SH3BGR: variants seen among roughly 807,000 people sequenced by gnomAD.
The protein encoded by SH3BGR is SH3 domain binding glutamate rich protein.
SH3BGR carries 29 observed loss-of-function variants against 24.5 expected under a neutral mutation model. The ratio of observed to expected loss-of-function variants is 1.18; its 90% CI spans 0.88 to 1.61. The LOEUF (loss-of-function observed/expected upper bound fraction) is 1.61. Among genes scored for constraint, SH3BGR ranks in the 40% most tolerant of loss-of-function variants. The probability of loss-of-function intolerance (pLI) is 0.00; values close to 1 mark genes in which losing one functional copy is unlikely to be tolerated. For missense variants in SH3BGR, 162 were observed against 205.8 expected (o/e 0.79, Z 1.30); for synonymous variants, 55 against 65.7 (o/e 0.84, Z 0.79).
At chr21:39,459,204 C>T (rs972390243) in intron 1 of SH3BGR, among the ~76,000 whole-genome samples, 2 of 150,974 alleles carry the variant, frequency 1.3e-5, no homozygotes, top group African/African-American at 2.4e-5. Context: ...ACCTACCTTC[C>T]TTCCTTCTTC....
At chr21:39,472,835 C>CT (rs2123373633) in intron 2 of SH3BGR, among the ~76,000 whole-genome samples, 1 of 152,208 alleles carries the variant, frequency 6.6e-6, no homozygotes, top group South Asian at 2.1e-4. Flanking sequence ...AGGCTCCGGG[C>CT]TTTATCTACA....
chr21:39,482,640 G>A (rs1411701792), intron 3 of SH3BGR, among the ~76,000 whole-genome samples: 1 of 151,968 alleles, frequency 6.6e-6, no homozygotes. Flanking sequence ...GCTTTTCTTT[G>A]TCTTTAAAAT....
upstream of SH3BGR, among the ~76,000 whole-genome samples, chr21:39,448,719 G>A (rs1233928319): frequency 6.6e-6 from 1 of 152,112 alleles, no homozygotes; most frequent in Non-Finnish European, 1.5e-5. Context: ...GAATGTCACA[G>A]CCAGAAGGAT....
chr21:39,513,419 T>C (rs2078731231), intron 6 of SH3BGR, among the ~76,000 whole-genome samples: 1 of 152,186 alleles, frequency 6.6e-6, no homozygotes, highest in African/African-American at 2.4e-5. Flanking sequence ...TGTCCCTTCT[T>C]AATAGACTTA....
In SH3BGR at chr21:39,475,176, T is replaced by G. The variant is rs2078007299; in HGVS notation, c.273T>G (p.Ile91Met). The change falls in exon 3 of 7, where the codon ATT becomes ATG. Residue 91 changes from isoleucine (I) to methionine (M), a missense_variant. By Grantham distance (10) the Ile-to-Met change is conservative. Coordinates refer to ENST00000333634, the MANE Select transcript of SH3BGR (RefSeq NM_007341.3). ...SFFSAKEENI[I>M]YSFLGLAPPP... ...TCTCTGCAAAAGAAGAGAATATTAT[T>G]TATTCCTTCCTTGGTTTGGCTCCTC... is the stretch of plus-strand genomic sequence containing the variant. 1 of 1,612,606 alleles carries G rather than the reference T, an allele frequency of 6.2e-7. No homozygotes were observed.
chr21:39,448,474 C>T (rs2077536346), upstream of SH3BGR, among the ~76,000 whole-genome samples: 1 of 152,082 alleles, frequency 6.6e-6, no homozygotes, highest in South Asian at 2.1e-4. Context: ...CAAAATTAAT[C>T]AAATCAAAAA....
chr21:39,479,243 GGTGGTGGTGGTGGTGATGGTA>G (rs1569160869), intron 3 of SH3BGR, among the ~76,000 whole-genome samples: 3 of 148,314 alleles, frequency 2.0e-5, no homozygotes, highest in Non-Finnish European at 4.6e-5. Flanking sequence ...TGGTGGTGGT[GGTGGTGGTGGTGGTGATGGTA>G]GTGCTGGTGG....
chr21:39,453,964 TAATG>T (rs1454642797), intron 1 of SH3BGR, among the ~76,000 whole-genome samples: 1 of 152,180 alleles, frequency 6.6e-6, no homozygotes, highest in Non-Finnish European at 1.5e-5. Flanking sequence ...ATTAGTTAGT[TAATG>T]AATATTAATT....
At chr21:39,513,705 C>G (rs1362883155) in intron 6 of SH3BGR, among the ~76,000 whole-genome samples, 1 of 151,934 alleles carries the variant, frequency 6.6e-6, no homozygotes, top group African/African-American at 2.4e-5. Flanking sequence ...AAAAAGGAAA[C>G]TGGCAAGCTT....
upstream of SH3BGR, among the ~76,000 whole-genome samples, chr21:39,448,499 C>T (rs1274496609): frequency 1.3e-5 from 2 of 152,096 alleles, no homozygotes; most frequent in Non-Finnish European, 2.9e-5. Context: ...TGTTATTTGA[C>T]TTGTTAAAAT....
At chr21:39,500,501 G>A (rs548917969) in intron 4 of SH3BGR, among the ~76,000 whole-genome samples, 14 of 152,232 alleles carry the variant, frequency 9.2e-5, no homozygotes, top group African/African-American at 2.9e-4. Context: ...GGGGGACACT[G>A]TGGTTCTGTG....
chr21:39,454,169 A>G (rs1285459025), intron 1 of SH3BGR, among the ~76,000 whole-genome samples: 1 of 152,194 alleles, frequency 6.6e-6, no homozygotes, highest in Non-Finnish European at 1.5e-5. Context: ...ATGGGTAGAG[A>G]AATTTCACTC....
chr21:39,514,358 A>AT (rs976060391), intron 6 of SH3BGR, among the ~76,000 whole-genome samples: 3 of 151,808 alleles, frequency 2.0e-5, no homozygotes, highest in African/African-American at 4.8e-5. Flanking sequence ...TATTATTATT[A>AT]TTATTTATTT....
intron 2 of SH3BGR, among the ~76,000 whole-genome samples, chr21:39,474,122 C>T (rs556802221): frequency 2.6e-4 from 40 of 152,082 alleles, no homozygotes; most frequent in African/African-American, 7.9e-4. Flanking sequence ...TGTGTGCCAC[C>T]GTGCCCGGCT....
At chr21:39,499,764 G>GTTTT in intron 3 of SH3BGR, 59 bp from the exon 4 acceptor site, 7 of 1,041,748 alleles carry the variant, frequency 6.7e-6, no homozygotes, top group Admixed American at 2.4e-5. Context: ...TATGTGGCCT[G>GTTTT]TTTTTTTTTT....
At chr21:39,499,241 A>G (rs1335473642) in intron 3 of SH3BGR, among the ~76,000 whole-genome samples, 2 of 146,310 alleles carry the variant, frequency 1.4e-5, no homozygotes, top group Non-Finnish European at 3.0e-5. Context: ...TCATCCATCC[A>G]TCCACCTATC....
In SH3BGR at chr21:39,462,374, G is replaced by C. The variant is rs1362377940; in HGVS notation, c.46-1G>C. On this transcript the variant is annotated splice_acceptor_variant, in intron 1 of 6. Transcript: ENST00000333634. LOFTEE classifies it high-confidence loss of function. Reference sequence around the variant, plus strand: ...CCTAATATTTCTCTACTCTTGACCAGATTAGGAAGAAACAGCAAGAAGTAG... The same window carrying C: ...CCTAATATTTCTCTACTCTTGACCACATTAGGAAGAAACAGCAAGAAGTAG... The C allele has an allele frequency of 1.6e-5, 26 of 1,602,268 alleles. No homozygotes were observed. The highest frequency in any genetic ancestry group is 2.0e-5 in the Non-Finnish European group (24 of 1,177,014).
At chr21:39,486,908 G>T (rs2078221122) in intron 3 of SH3BGR, among the ~76,000 whole-genome samples, 1 of 152,022 alleles carries the variant, frequency 6.6e-6, no homozygotes. Context: ...AGTAGAGACG[G>T]GGTTTCAGCA....
intron 1 of SH3BGR, among the ~76,000 whole-genome samples, chr21:39,459,930 G>A (rs1051851288): frequency 6.6e-6 from 1 of 152,174 alleles, no homozygotes; most frequent in African/African-American, 2.4e-5. Context: ...ACAGTCTGCT[G>A]TAACTTATTT....
Sources: allele counts gnomAD v4.1 joint callset (sites outside exome capture counted in the v4.1 genomes callset), GRCh38; gene constraint gnomAD v4.1.1; transcripts MANE v1.5; gene names NCBI Gene and HGNC (gene_info 2026-07-23, HGNC 2026-07-21).